SCARA3: variants seen among roughly 807,000 people sequenced by gnomAD.
The protein encoded by SCARA3 is cellular stress response gene protein.
SCARA3 carries 39 observed loss-of-function variants against 47.0 expected under a neutral mutation model. That is an observed-to-expected ratio of 0.83 (90% CI 0.64 to 1.08). The LOEUF (loss-of-function observed/expected upper bound fraction) is 1.08, where lower values mean the gene tolerates loss of function less well. Ranked by LOEUF, SCARA3 falls within the 50% of genes least tolerant of loss-of-function variation. The pLI is 0.00. For synonymous variants in SCARA3, 356 were observed against 334.1 expected (o/e 1.07, Z -0.71); for missense variants, 724 against 792.3 (o/e 0.91, Z 1.04).
chr8:27,717,053 T>A, the SCARA3 span, among the ~76,000 whole-genome samples: 2 of 152,076 alleles, frequency 1.3e-5, no homozygotes, highest in Admixed American at 6.5e-5. Context: ...TAAAAAAAAA[T>A]GCCAAGGGCC....
chr8:27,717,574 C>T, the SCARA3 span, among the ~76,000 whole-genome samples: 2 of 152,128 alleles, frequency 1.3e-5, no homozygotes, highest in Admixed American at 1.3e-4. Flanking sequence ...TACTTGAGGT[C>T]GCGGGTTCAA....
Position 27,659,406 on chromosome 8 carries a change from G to T in SCARA3, c.1236G>T (p.Leu412=). The T allele has an allele frequency of 6.2e-7, 1 of 1,613,836 alleles. No homozygotes were observed. The highest frequency in any genetic ancestry group is 8.5e-7 in the Non-Finnish European group (1 of 1,179,872). The change falls in exon 5 of 6, where the codon CTG becomes CTT. Residue 412 remains leucine (L), a synonymous_variant. Transcript: ENST00000301904. ...SVSIMLGTTD[L]LRERFSLLSA... ...CCATCATGCTGGGCACCACAGACCTGCTCCGGGAGCGCTTCAGCCTGCTCA... is the reference window on the plus strand; with the variant it reads ...CCATCATGCTGGGCACCACAGACCTTCTCCGGGAGCGCTTCAGCCTGCTCA...
In SCARA3 at chr8:27,670,914, C is replaced by T; in HGVS notation, c.1384C>T (p.Pro462Ser). 6.5e-7 allele frequency: 1 copy of T among 1,540,648 alleles called. No individual in the cohort carries two copies. Among genetic ancestry groups the T allele is most frequent in the Non-Finnish European group, 8.7e-7 (1 of 1,147,578 alleles). ...VTILRGAPGP[P>S]GPRGFKGDMG... The stretch of plus-strand genomic sequence containing the variant: ...TCCAACCTCAGGTGCCCCCGGCCCT[C>T]CAGGACCAAGAGGATTCAAAGGAGA... Residue 462 changes from proline to serine, a missense_variant, in exon 6 of 6, where the codon CCA becomes TCA. Coordinates refer to ENST00000301904, the MANE Select transcript of SCARA3 (RefSeq NM_016240.3).
chr8:27,714,193 C>CTTTTTTTTTTTTTT, the SCARA3 span, among the ~76,000 whole-genome samples: 32 of 114,126 alleles, frequency 2.8e-4, 1 homozygote, highest in Non-Finnish European at 3.3e-4. Context: ...TCAGGTATTC[C>CTTTTTTTTTTTTTT]TTTTTTTTTT....
the SCARA3 span, among the ~76,000 whole-genome samples, chr8:27,682,163 G>C: frequency 6.6e-6 from 1 of 152,140 alleles, no homozygotes; most frequent in East Asian, 1.9e-4. Context: ...AAAGGCACCA[G>C]AAGAAATGAA....
the SCARA3 span, among the ~76,000 whole-genome samples, chr8:27,699,885 G>T: frequency 6.6e-6 from 1 of 152,162 alleles, no homozygotes; most frequent in Non-Finnish European, 1.5e-5. Flanking sequence ...ACCACATTGA[G>T]ATCCAGAAAT....
intron 1 of SCARA3, among the ~76,000 whole-genome samples, chr8:27,642,351 G>T (rs914800762): frequency 1.3e-4 from 20 of 152,142 alleles, no homozygotes; most frequent in African/African-American, 4.6e-4. Context: ...AAGCATTTAC[G>T]ATGTACCAGG....
At chr8:27,660,500 GA>G (rs1801873954) in intron 5 of SCARA3, among the ~76,000 whole-genome samples, 1 of 151,258 alleles carries the variant, frequency 6.6e-6, no homozygotes, top group Admixed American at 6.6e-5. Context: ...TGGATAGATA[GA>G]TAGATAGGAT....
At chr8:27,699,553 T>C in the SCARA3 span, among the ~76,000 whole-genome samples, 1 of 152,088 alleles carries the variant, frequency 6.6e-6, no homozygotes, top group Non-Finnish European at 1.5e-5. Flanking sequence ...TCTAAAAATG[T>C]ATATAAAAGT....
At chr8:27,689,789 G>A in the SCARA3 span, among the ~76,000 whole-genome samples, 1 of 152,086 alleles carries the variant, frequency 6.6e-6, no homozygotes, top group Non-Finnish European at 1.5e-5. Flanking sequence ...CTAAAGACCA[G>A]TGTGGGCCAG....
Position 27,659,026 on chromosome 8 carries a change from T to C in SCARA3, c.856T>C (p.Ser286Pro). The part of the protein sequence containing the change: ...VKNIQATLGA[S>P]SQRISQNSES... ...GAACATCCAGGCCACCCTGGGGGCC[T>C]CCTCACAGCGCATCAGCCAGAACTC... Residue 286 changes from serine (S) to proline (P), a missense_variant, in exon 5 of 6, where the codon TCC (serine) becomes CCC (proline). By Grantham distance (74) the Ser-to-Pro change is moderately conservative. Transcript: ENST00000301904. 2 of 1,613,792 alleles carry C rather than the reference T, an allele frequency of 1.2e-6. No homozygotes were observed. Among genetic ancestry groups the C allele is most frequent in the Non-Finnish European group, 1.7e-6 (2 of 1,179,942 alleles).
chr8:27,658,736 TGGCCCA>T lies in SCARA3; in HGVS notation c.569_574del (p.Ala190_Gln191del). 1 of 1,614,140 alleles carries T rather than the reference TGGCCCA, an allele frequency of 6.2e-7. No homozygotes were observed. Among genetic ancestry groups the T allele is most frequent in the Non-Finnish European group, 8.5e-7 (1 of 1,180,014 alleles). Reference sequence around the variant, plus strand: ...GTTAACCAGTCTCTGGGGCTCTTCCTGGCCCAGGTGAGAGGCTGGCAGGCCACCACA... The same window carrying T: ...GTTAACCAGTCTCTGGGGCTCTTCCTGGTGAGAGGCTGGCAGGCCACCACA... On this transcript the variant is annotated inframe_deletion, in exon 5 of 6. Coordinates refer to ENST00000301904, the MANE Select transcript of SCARA3 (RefSeq NM_016240.3).
At chr8:27,657,531 G>A (rs981854696) in intron 4 of SCARA3, among the ~76,000 whole-genome samples, 2 of 126,656 alleles carry the variant, frequency 1.6e-5, no homozygotes, top group African/African-American at 3.2e-5. Context: ...ATGTCTACAT[G>A]TATTCAACCT....
intron 5 of SCARA3, among the ~76,000 whole-genome samples, chr8:27,670,317 T>C (rs1237051860): frequency 6.6e-6 from 1 of 152,198 alleles, no homozygotes; most frequent in Non-Finnish European, 1.5e-5. Context: ...AGGTGACTTC[T>C]CTTTGTATGT....
chr8:27,680,071 T>A (rs796929197), downstream of SCARA3: 2 of 152,204 alleles, frequency 1.3e-5, no homozygotes, highest in South Asian at 4.1e-4. Flanking sequence ...ATATGTTGGA[T>A]GCAGATAAAG....
At chr8:27,714,450 C>T in the SCARA3 span, among the ~76,000 whole-genome samples, 121 of 152,236 alleles carry the variant, frequency 7.9e-4, no homozygotes, top group African/African-American at 2.8e-3. Flanking sequence ...GCCTCGGCCT[C>T]CCAAAGTGCT....
At chr8:27,731,162 C>T in the SCARA3 span, among the ~76,000 whole-genome samples, 2 of 149,468 alleles carry the variant, frequency 1.3e-5, no homozygotes, top group Non-Finnish European at 3.0e-5. Flanking sequence ...TGCAGTGGTG[C>T]TATCACAGCT....
At chr8:27,731,855 C>T in the SCARA3 span, among the ~76,000 whole-genome samples, 2 of 152,190 alleles carry the variant, frequency 1.3e-5, no homozygotes, top group African/African-American at 4.8e-5. Flanking sequence ...CAGTGGAAGA[C>T]GATTCTGGCA....
Position 27,659,452 on chromosome 8 carries a change from G to A in SCARA3, c.1282G>A (p.Val428Ile), listed in dbSNP as rs34086286. Residue 428 changes from valine (V) to isoleucine (I), a missense_variant, in exon 5 of 6, where the codon GTC becomes ATC. Transcript: ENST00000301904. ...SLLSARLDLNVRNLSMIVEEM... is the reference protein window; with the variant it reads ...SLLSARLDLNIRNLSMIVEEM... ...GCTCAGTGCCCGGCTGGACCTCAAC[G>A]TCCGGAACCTCTCCATGATCGTGGA... The A allele has an allele frequency of 1.6e-3, 2,532 of 1,613,918 alleles. 34 individuals carry two copies. The Admixed American group carries it at 0.029, about 18-fold the overall frequency.
Sources: gnomAD v4.1 joint callset for allele counts (sites outside exome capture counted in the v4.1 genomes callset) on GRCh38, gnomAD v4.1.1 for gene constraint, MANE v1.5 for transcripts, NCBI Gene and HGNC (gene_info 2026-07-23, HGNC 2026-07-21) for gene names.